Variants in AGBL4 observed in about 807,000 individuals in gnomAD.
The protein encoded by AGBL4 is cytosolic carboxypeptidase 6.
A neutral mutation model predicts 66.4 loss-of-function variants in AGBL4; 58 were observed. The observed-to-expected ratio is 0.87, with a 90% CI of 0.71 to 1.09. AGBL4 has a LOEUF of 1.09. AGBL4 is among the 50% of genes least tolerant of loss of function. AGBL4 has a pLI of 0.00. For missense variants in AGBL4, 579 were observed against 631.0 expected (o/e 0.92, Z 0.88); for synonymous variants, 234 against 222.9 (o/e 1.05, Z -0.44).
At chr1:49,387,964 G>C in intron 3 of AGBL4, among the ~76,000 whole-genome samples, 1 of 151,960 alleles carries the variant, frequency 6.6e-6, no homozygotes, top group Admixed American at 6.6e-5. Flanking sequence ...AGTTATAAGA[G>C]TCAGTTCATT....
In AGBL4 at chr1:48,668,805, T is replaced by G. The variant is rs180945532; in HGVS notation, c.635-5564A>C. Among the ~76,000 whole-genome samples, 11 of 137,012 alleles carry G rather than the reference T, an allele frequency of 8.0e-5. No individual in the cohort carries two copies. In the East Asian group the frequency reaches 1.9e-3, roughly 24 times the overall value. 89.9% of individuals were successfully genotyped at this position (137,012 alleles called of 152,430 possible). A position where few individuals can be genotyped will look rare whatever the true frequency, so the allele number is the denominator to read the frequency against. ...CAGACAATAAAGAGGGAATGGATGTTGTGAATTATAGTAAGAACATGGCCA... is the reference window on the plus strand; with the variant it reads ...CAGACAATAAAGAGGGAATGGATGTGGTGAATTATAGTAAGAACATGGCCA... On this transcript the variant is annotated intron_variant, in intron 6 of 13. Coordinates refer to ENST00000371839, the MANE Select transcript of AGBL4 (RefSeq NM_032785.4).
chr1:48,762,965 A>C (rs556123845), intron 6 of AGBL4, among the ~76,000 whole-genome samples: 19 of 152,216 alleles, frequency 1.2e-4, no homozygotes, highest in Non-Finnish European at 2.5e-4. Flanking sequence ...GGATGAGAGC[A>C]ATAATTCACG....
chr1:49,152,366 G>A (rs1002177256), intron 4 of AGBL4, among the ~76,000 whole-genome samples: 1 of 152,046 alleles, frequency 6.6e-6, no homozygotes, highest in African/African-American at 2.4e-5. Flanking sequence ...TGTTCACTCT[G>A]TCAGTCACGT....
intron 4 of AGBL4, among the ~76,000 whole-genome samples, chr1:49,069,959 G>T (rs565592943): frequency 2.2e-4 from 33 of 152,064 alleles, no homozygotes; most frequent in African/African-American, 8.0e-4. Context: ...TCCCTTGTAA[G>T]TTGGATTCCT....
chr1:48,597,889 A>AGAGG (rs1442424216), intron 9 of AGBL4, among the ~76,000 whole-genome samples: 1 of 150,682 alleles, frequency 6.6e-6, no homozygotes, highest in East Asian at 1.9e-4. Context: ...AAAAAAAGAA[A>AGAGG]GAGGGAGGGA....
chr1:49,530,274 A>AAAAAAAAAAAAAAAAAAAAAAAC (rs1553221141), intron 3 of AGBL4, among the ~76,000 whole-genome samples: 1 of 134,760 alleles, frequency 7.4e-6, no homozygotes, highest in African/African-American at 3.2e-5. Flanking sequence ...AAAAAAAAAC[A>AAAAAAAAAAAAAAAAAAAAAAAC]AAAAAAAACT....
chr1:49,932,498 G>A (rs1230436499), intron 1 of AGBL4, among the ~76,000 whole-genome samples: 1 of 152,152 alleles, frequency 6.6e-6, no homozygotes, highest in Non-Finnish European at 1.5e-5. Flanking sequence ...AAAAGAAATT[G>A]ATAAACTGGA....
intron 5 of AGBL4, among the ~76,000 whole-genome samples, chr1:48,991,921 C>T (rs1660635317): frequency 6.6e-6 from 1 of 152,068 alleles, no homozygotes; most frequent in Admixed American, 6.6e-5. Flanking sequence ...GTCAACTTTC[C>T]TCAAAATGGC....
chr1:48,586,581 G>A (rs1242280378), intron 11 of AGBL4: 1 of 189,860 alleles, frequency 5.3e-6, no homozygotes, highest in African/African-American at 2.4e-5. Flanking sequence ...GACAAAAGAT[G>A]AAAAGAGAAC....
At chr1:48,899,654 A>G (rs892062096) in intron 5 of AGBL4, among the ~76,000 whole-genome samples, 5 of 152,040 alleles carry the variant, frequency 3.3e-5, no homozygotes, top group African/African-American at 1.2e-4. Flanking sequence ...GCATCAACTC[A>G]GGCCTGCTAC....
intron 2 of AGBL4, among the ~76,000 whole-genome samples, chr1:49,761,650 G>A (rs539442503): frequency 4.9e-4 from 74 of 152,096 alleles, no homozygotes; most frequent in Non-Finnish European, 7.2e-4. Context: ...TGTTCAAATC[G>A]GGGTTATTTA....
At chr1:48,915,278 A>G (rs185894935) in intron 5 of AGBL4, among the ~76,000 whole-genome samples, 10 of 152,296 alleles carry the variant, frequency 6.6e-5, no homozygotes, top group Admixed American at 5.2e-4. Flanking sequence ...ATGCCTTGGT[A>G]CATGCTGTTC....
In AGBL4 at chr1:49,916,175, G is replaced by A. The variant is rs189414530; in HGVS notation, c.35-64657C>T. Reference sequence around the variant, plus strand: ...AGCTGAAAATTCTAAAAATCTGAGCGCCCCTCCCCTTCAAAAGGAACACAG... The same window carrying A: ...AGCTGAAAATTCTAAAAATCTGAGCACCCCTCCCCTTCAAAAGGAACACAG... On this transcript the variant is annotated intron_variant, in intron 1 of 13. Coordinates refer to ENST00000371839, the MANE Select transcript of AGBL4 (RefSeq NM_032785.4). 3.2e-3 allele frequency among the ~76,000 whole-genome samples: 484 copies of A among 152,236 alleles called. 4 individuals are homozygous for A. Among genetic ancestry groups the A allele is most frequent in the African/African-American group, 0.011 (460 of 41,524 alleles).
intron 5 of AGBL4, among the ~76,000 whole-genome samples, chr1:48,943,960 G>C (rs927981961): frequency 1.3e-5 from 2 of 152,158 alleles, no homozygotes; most frequent in African/African-American, 4.8e-5. Context: ...TAGCATGCCA[G>C]GGCTAGACGG....
At chr1:49,824,766 C>T (rs1165465911) in intron 2 of AGBL4, among the ~76,000 whole-genome samples, 1 of 152,178 alleles carries the variant, frequency 6.6e-6, no homozygotes, top group Non-Finnish European at 1.5e-5. Context: ...TAAACATAGT[C>T]TAAAACTAAG....
chr1:49,919,321 T>A (rs1390469375), intron 1 of AGBL4, among the ~76,000 whole-genome samples: 3 of 152,194 alleles, frequency 2.0e-5, no homozygotes, highest in African/African-American at 7.2e-5. Flanking sequence ...GACATAATTG[T>A]ACATTTAGAA....
At chr1:49,637,758 A>T (rs1367087212) in intron 3 of AGBL4, among the ~76,000 whole-genome samples, 1 of 151,748 alleles carries the variant, frequency 6.6e-6, no homozygotes, top group Non-Finnish European at 1.5e-5. Flanking sequence ...ATTAAAAAAT[A>T]AAAAAAAATT....
At chr1:49,668,153 A>C (rs1006740473) in intron 3 of AGBL4, among the ~76,000 whole-genome samples, 1 of 152,226 alleles carries the variant, frequency 6.6e-6, no homozygotes, top group Non-Finnish European at 1.5e-5. Flanking sequence ...TATTATAGGA[A>C]GGAAACAAGG....
intron 2 of AGBL4, among the ~76,000 whole-genome samples, chr1:49,833,235 A>G (rs1045705775): frequency 3.3e-5 from 5 of 152,192 alleles, no homozygotes; most frequent in South Asian, 2.1e-4. Flanking sequence ...TCCAAGCACC[A>G]TTTATTTAAT....
Sources: allele counts gnomAD v4.1 joint callset (sites outside exome capture counted in the v4.1 genomes callset), GRCh38; gene constraint gnomAD v4.1.1; transcripts MANE v1.5; gene names NCBI Gene and HGNC (gene_info 2026-07-23, HGNC 2026-07-21).